Variants in TRIOBP observed in about 807,000 individuals in gnomAD.
TRIOBP encodes the protein TRIO and F-actin binding protein.
Under a neutral mutation model 238.8 loss-of-function variants are expected in TRIOBP, and 169 were observed. That is an observed-to-expected ratio of 0.71 (90% confidence interval 0.62 to 0.80). TRIOBP has a LOEUF of 0.80. Among genes scored for constraint, TRIOBP ranks in the 30% least tolerant of loss-of-function variants. The pLI is 0.00. For synonymous variants in TRIOBP, 1,150 were observed against 1,274.4 expected, an observed-to-expected ratio of 0.90 and a Z score of 2.08; for missense variants, 2,838 against 3,122.6, an observed-to-expected ratio of 0.91 and a Z score of 2.17.
intron 18 of TRIOBP, among the ~76,000 whole-genome samples, chr22:37,766,919 C>G (rs866342121): frequency 6.7e-6 from 1 of 149,562 alleles, no homozygotes; most frequent in Non-Finnish European, 1.5e-5. Context: ...TGAGATTGCA[C>G]CACTGCACTC....
chr22:37,763,737 C>T (rs1050621200), intron 17 of TRIOBP, among the ~76,000 whole-genome samples: 8 of 152,310 alleles, frequency 5.3e-5, no homozygotes, highest in South Asian at 4.1e-4. Context: ...TGGCTGCTGC[C>T]GCCTGCCTAT....
At chr22:37,706,769 T>TAAA (rs34258002) in intron 3 of TRIOBP, among the ~76,000 whole-genome samples, 2 of 140,950 alleles carry the variant, frequency 1.4e-5, no homozygotes, top group Non-Finnish European at 3.1e-5. Flanking sequence ...AAGACTATCT[T>TAAA]AAAAAAAAAA....
intron 2 of TRIOBP, among the ~76,000 whole-genome samples, chr22:37,698,685 A>C (rs1455192197): frequency 2.0e-5 from 3 of 151,976 alleles, no homozygotes; most frequent in African/African-American, 4.8e-5. Flanking sequence ...AAAAAGAAAA[A>C]AATTAGCTGG....
chr22:37,739,542 C>T (rs994482997), intron 10 of TRIOBP, among the ~76,000 whole-genome samples: 1 of 152,182 alleles, frequency 6.6e-6, no homozygotes, highest in Admixed American at 6.5e-5. Flanking sequence ...CCAGGTTATA[C>T]AGTCAGTGGC....
intron 11 of TRIOBP, 100 bp from the exon 12 acceptor site, chr22:37,751,672 C>T (rs1408212554): frequency 7.1e-7 from 1 of 1,415,982 alleles, no homozygotes; most frequent in Non-Finnish European, 9.9e-7. Flanking sequence ...AGCTCGGTCC[C>T]ACAGGACTTG....
At chr22:37,765,855 G>T in intron 18 of TRIOBP, 38 bp downstream of exon 18, 2 of 1,569,226 alleles carry the variant, frequency 1.3e-6, no homozygotes, top group Non-Finnish European at 1.7e-6. Flanking sequence ...GCTGGGCTCT[G>T]AGCCTCTGTG....
At chr22:37,720,271 C>T (rs1923759273) in intron 6 of TRIOBP, among the ~76,000 whole-genome samples, 1 of 152,206 alleles carries the variant, frequency 6.6e-6, no homozygotes, top group East Asian at 1.9e-4. Flanking sequence ...CCTGCCTCGG[C>T]TTCCCAAAGT....
chr22:37,738,745 A>C, intron 10 of TRIOBP, 26 bp downstream of exon 10: 1 of 1,612,300 alleles, frequency 6.2e-7, no homozygotes, highest in Non-Finnish European at 8.5e-7. Flanking sequence ...GTGTGGGTAC[A>C]TACGGTGGGG....
chr22:37,710,142 C>G (rs1025688234), intron 3 of TRIOBP, among the ~76,000 whole-genome samples: 1 of 152,264 alleles, frequency 6.6e-6, no homozygotes, highest in Non-Finnish European at 1.5e-5. Flanking sequence ...CTCGCTCCAC[C>G]TATGTGCACA....
At chr22:37,758,822 G>A (rs998868342) in intron 16 of TRIOBP, among the ~76,000 whole-genome samples, 2 of 152,200 alleles carry the variant, frequency 1.3e-5, no homozygotes, top group Non-Finnish European at 2.9e-5. Flanking sequence ...TTACTGACGG[G>A]AAAACTGAGG....
chr22:37,771,614 T>G (rs774220265), intron 21 of TRIOBP, 36 bp from the exon 22 acceptor site: 1 of 1,595,004 alleles, frequency 6.3e-7, no homozygotes. Flanking sequence ...AGCTCTGGCT[T>G]CTGGCCCTGG....
chr22:37,759,032 TA>T, intron 16 of TRIOBP, 121 bp from the exon 17 acceptor site: 1 of 833,188 alleles, frequency 1.2e-6, no homozygotes, highest in Non-Finnish European at 2.0e-6. Flanking sequence ...GAGGCATTCC[TA>T]AGCCTTCCAG....
Position 37,726,425 on chromosome 22 carries a change from A to G in TRIOBP, c.3869A>G (p.Gln1290Arg). ...CTGGCCCAGAGACAGCCAGGGCCCC[A>G]GGCGCAGTGCAGCAGCGGGGGCCGC... ...RRLAQRQPGP[Q>R]AQCSSGGRTH... The change falls in exon 7 of 24, where the codon CAG (glutamine) becomes CGG (arginine). Residue 1290 changes from glutamine to arginine, a missense_variant. By Grantham distance (43) the Gln-to-Arg change is conservative. Transcript: ENST00000644935. 1 of 1,587,386 alleles carries G rather than the reference A, an allele frequency of 6.3e-7. No homozygotes were observed.
rs2145842242 is a variant in TRIOBP, at chr22:37,734,516, C to T, written c.4180C>T (p.Leu1394=). The part of the protein sequence containing the change: ...EGDRQLQGSP[L]PPRTSARTPE... ...AGATCGGCAGCTCCAGGGGTCCCCG[C>T]TGCCCCCCAGGACATCAGCCAGGAC... The change falls in exon 9 of 24, where the codon CTG becomes TTG. Residue 1394 remains leucine, a synonymous_variant. Transcript: ENST00000644935. 6.2e-7 allele frequency: 1 copy of T among 1,606,320 alleles called. No individual in the cohort carries two copies. The highest frequency in any genetic ancestry group is 8.5e-7 in the Non-Finnish European group (1 of 1,177,084).
intron 21 of TRIOBP, among the ~76,000 whole-genome samples, chr22:37,770,951 G>T (rs1179701664): frequency 1.3e-5 from 2 of 152,148 alleles, no homozygotes; most frequent in Admixed American, 6.5e-5. Context: ...CAAAGTGCTG[G>T]GATTACAGGC....
Position 37,725,993 on chromosome 22 carries a change from G to A in TRIOBP, c.3437G>A (p.Ser1146Asn). The A allele has an allele frequency of 2.5e-6, 4 of 1,611,450 alleles. No individual in the cohort carries two copies. Among genetic ancestry groups the A allele is most frequent in the Non-Finnish European group, 3.4e-6 (4 of 1,179,230 alleles). ...GACCTCCCCAGGGCCAGCACAGAGA[G>A]CCTTGTCCCTTCCATGGACTCTCTG... ...FQDLPRASTE[S>N]LVPSMDSLHE... Residue 1146 changes from serine to asparagine, a missense_variant, in exon 7 of 24, where the codon AGC (serine) becomes AAC (asparagine). By Grantham distance (46) the Ser-to-Asn change is conservative (BLOSUM62 1). Transcript: ENST00000644935.
At chr22:37,731,272 G>A (rs1321662431) in intron 7 of TRIOBP, among the ~76,000 whole-genome samples, 1 of 151,416 alleles carries the variant, frequency 6.6e-6, no homozygotes, top group African/African-American at 2.4e-5. Context: ...CAAGTAGCTG[G>A]GACTACAGCC....
intron 11 of TRIOBP, among the ~76,000 whole-genome samples, chr22:37,747,685 C>T (rs778504479): frequency 3.3e-5 from 5 of 152,216 alleles, no homozygotes; most frequent in African/African-American, 9.6e-5. Flanking sequence ...CCTTGCCCAC[C>T]GGGTGCCTGC....
Position 37,725,509 on chromosome 22 carries a change from C to T in TRIOBP, c.2953C>T (p.His985Tyr), listed in dbSNP as rs1924091084. 4 of 1,613,694 alleles carry T rather than the reference C, an allele frequency of 2.5e-6. No individual in the cohort carries two copies. The highest frequency in any genetic ancestry group is 3.4e-6 in the Non-Finnish European group (4 of 1,179,992). ...RATSSSHNPG[H>Y]QSTSRTSSPV... Reference sequence around the variant, plus strand: ...CACCTCTTCCTCCCATAACCCAGGCCACCAGAGCACCTCCCGAACTTCCTC... The same window carrying T: ...CACCTCTTCCTCCCATAACCCAGGCTACCAGAGCACCTCCCGAACTTCCTC... The change falls in exon 7 of 24, where the codon CAC (histidine) becomes TAC (tyrosine). Residue 985 changes from histidine (H) to tyrosine (Y), a missense_variant. Coordinates refer to ENST00000644935, the MANE Select transcript of TRIOBP (RefSeq NM_001039141.3).
Sources: allele counts gnomAD v4.1 joint callset (sites outside exome capture counted in the v4.1 genomes callset), GRCh38; gene constraint gnomAD v4.1.1; transcripts MANE v1.5; gene names NCBI Gene and HGNC (gene_info 2026-07-23, HGNC 2026-07-21).